Variants in PACRG observed in about 807,000 individuals in gnomAD.
The protein encoded by PACRG is parkin coregulated.
PACRG carries 29 observed loss-of-function variants against 29.7 expected under a neutral mutation model. That is an observed-to-expected ratio of 0.98 (90% CI 0.73 to 1.33). PACRG has a LOEUF of 1.33. Ranked by LOEUF, PACRG falls within the 40% of genes most tolerant of loss-of-function variation. The probability of loss-of-function intolerance (pLI) is 0.00; values close to 1 mark genes in which losing one functional copy is unlikely to be tolerated. For synonymous variants in PACRG, 116 were observed against 118.7 expected, an observed-to-expected ratio of 0.98 and a Z score of 0.15; for missense variants, 279 against 316.2, an observed-to-expected ratio of 0.88 and a Z score of 0.89.
intron 4 of PACRG, among the ~76,000 whole-genome samples, chr6:163,096,485 A>T (rs1814601945): frequency 6.6e-6 from 1 of 152,158 alleles, no homozygotes; most frequent in Non-Finnish European, 1.5e-5. Flanking sequence ...GCTGCCGAGC[A>T]CAGCACTGAG....
chr6:163,162,934 G>A (rs542154564), intron 4 of PACRG, among the ~76,000 whole-genome samples: 22 of 152,332 alleles, frequency 1.4e-4, no homozygotes, highest in African/African-American at 4.8e-4. Context: ...GCAGCACAGA[G>A]CCAGGGAGGT....
rs16894696 is a variant in PACRG, at chr6:163,244,364, G to C, written c.614-70463G>C. ...TTGAATCATCTAGTATTTTCTGTAAGGTCGGGCCAAGGAGACCTAACGTGT... is the reference window on the plus strand; with the variant it reads ...TTGAATCATCTAGTATTTTCTGTAACGTCGGGCCAAGGAGACCTAACGTGT... On this transcript the variant is annotated intron_variant, in intron 4 of 4. Transcript: ENST00000366888. Among the ~76,000 whole-genome samples the C allele has an allele frequency of 8.4e-3, 1,284 of 152,082 alleles. 15 individuals carry two copies. Among genetic ancestry groups the C allele is most frequent in the African/African-American group, 0.03 (1,228 of 41,452 alleles).
chr6:162,909,904 T>G (rs2128074723), intron 2 of PACRG, among the ~76,000 whole-genome samples: 1 of 152,294 alleles, frequency 6.6e-6, no homozygotes, highest in Non-Finnish European at 1.5e-5. Context: ...TTTGAATCGG[T>G]TTTACACTAG....
intron 4 of PACRG, among the ~76,000 whole-genome samples, chr6:163,246,917 T>A (rs1782719730): frequency 6.6e-6 from 1 of 152,198 alleles, no homozygotes; most frequent in African/African-American, 2.4e-5. Flanking sequence ...AATAAGACTT[T>A]TCCTAAGATA....
intron 1 of PACRG, among the ~76,000 whole-genome samples, chr6:162,792,153 A>G (rs1785004438): frequency 6.6e-6 from 1 of 152,132 alleles, no homozygotes; most frequent in South Asian, 2.1e-4. Context: ...TGGGCTGCTG[A>G]GGCCTCAGCA....
intron 2 of PACRG, among the ~76,000 whole-genome samples, chr6:162,958,171 G>A (rs748718949): frequency 2.6e-5 from 4 of 152,126 alleles, no homozygotes; most frequent in Non-Finnish European, 5.9e-5. Flanking sequence ...CTTATGAAAC[G>A]TTTGGAGCTT....
intron 1 of PACRG, among the ~76,000 whole-genome samples, chr6:162,801,695 T>C (rs1311852047): frequency 6.6e-6 from 1 of 152,128 alleles, no homozygotes; most frequent in Non-Finnish European, 1.5e-5. Context: ...GACAAATGAA[T>C]TTCAAAACAG....
At chr6:163,249,659 G>T (rs749660285) in intron 4 of PACRG, among the ~76,000 whole-genome samples, 2 of 152,154 alleles carry the variant, frequency 1.3e-5, no homozygotes, top group Admixed American at 1.3e-4. Flanking sequence ...AGATTGTGTC[G>T]GATGCCAGGC....
rs1405774135 is a variant in PACRG, at chr6:163,291,228, C to T, written c.614-23599C>T. ...CACCCTGCAAGATGTCCCCTCTGCC[C>T]GCCAGAGCTGGCCTGCGGGTCACCC... On this transcript the variant is annotated intron_variant, in intron 4 of 4. Transcript: ENST00000366888. 3.6e-5 allele frequency among the ~76,000 whole-genome samples: 5 copies of T among 139,534 alleles called. No individual in the cohort carries two copies. The South Asian group carries it at 6.8e-4, about 19-fold the overall frequency. 91.5% of individuals were successfully genotyped at this position (139,534 alleles called of 152,430 possible).
chr6:162,778,349 T>C (rs1783815724), intron 1 of PACRG, among the ~76,000 whole-genome samples: 1 of 152,196 alleles, frequency 6.6e-6, no homozygotes. Flanking sequence ...TGTGGTTGTA[T>C]AAGTGCTATA....
At chr6:163,185,003 T>A (rs529091594) in intron 4 of PACRG, 4 of 152,210 alleles carry the variant, frequency 2.6e-5, no homozygotes, top group Non-Finnish European at 5.9e-5. Context: ...CATGGCATGA[T>A]ACCTGCAAGG....
At chr6:163,182,736 C>T (rs549673974) in intron 4 of PACRG, 4 of 152,202 alleles carry the variant, frequency 2.6e-5, no homozygotes, top group Non-Finnish European at 5.9e-5. Context: ...TCTTAAGTTG[C>T]AATTTCACAA....
intron 2 of PACRG, among the ~76,000 whole-genome samples, chr6:162,983,723 T>C (rs1584934879): frequency 6.6e-6 from 1 of 152,066 alleles, no homozygotes; most frequent in East Asian, 1.9e-4. Flanking sequence ...ATGCTTTCGC[T>C]TCACAGCTCT....
intron 1 of PACRG, among the ~76,000 whole-genome samples, chr6:162,736,807 TA>T (rs1411261439): frequency 2.6e-5 from 4 of 152,140 alleles, no homozygotes; most frequent in African/African-American, 9.7e-5. Flanking sequence ...TACATAATTA[TA>T]ATACCTTATA....
At chr6:163,227,784 T>C (rs142095460) in intron 4 of PACRG, among the ~76,000 whole-genome samples, 15 of 152,300 alleles carry the variant, frequency 9.8e-5, no homozygotes, top group African/African-American at 3.6e-4. Context: ...GCCCTCCCTG[T>C]GGCGAGAATG....
intron 4 of PACRG, among the ~76,000 whole-genome samples, chr6:163,095,899 G>A (rs1030642530): frequency 1.3e-5 from 2 of 152,138 alleles, no homozygotes; most frequent in East Asian, 3.9e-4. Context: ...CAGTCCAGAT[G>A]ATATACCTCT....
At chr6:162,789,924 A>AT (rs1784802066) in intron 1 of PACRG, among the ~76,000 whole-genome samples, 1 of 152,160 alleles carries the variant, frequency 6.6e-6, no homozygotes, top group South Asian at 2.1e-4. Flanking sequence ...CCAGGTCTGC[A>AT]TATCTACCTG....
intron 2 of PACRG, among the ~76,000 whole-genome samples, chr6:163,029,116 G>C (rs1286524677): frequency 1.3e-5 from 2 of 152,168 alleles, no homozygotes; most frequent in Admixed American, 6.5e-5. Flanking sequence ...AGGTTGAGTG[G>C]TGTGCTTTGT....
intron 2 of PACRG, among the ~76,000 whole-genome samples, chr6:162,968,827 T>C (rs979429367): frequency 6.6e-6 from 1 of 151,920 alleles, no homozygotes; most frequent in African/African-American, 2.4e-5. Flanking sequence ...GGTGGGTGGA[T>C]CACAAGGTCA....
Sources: allele counts gnomAD v4.1 joint callset (sites outside exome capture counted in the v4.1 genomes callset), GRCh38; gene constraint gnomAD v4.1.1; transcripts MANE v1.5; gene names NCBI Gene and HGNC (gene_info 2026-07-23, HGNC 2026-07-21).